RIMS2: variants seen among roughly 807,000 people sequenced by gnomAD.
RIMS2 encodes the protein regulating synaptic membrane exocytosis protein 2.
Under a neutral mutation model 174.4 loss-of-function variants are expected in RIMS2, and 59 were observed. That is an observed-to-expected ratio of 0.34 (90% CI 0.27 to 0.42). RIMS2 has a LOEUF of 0.42. RIMS2 is among the 10% of genes least tolerant of loss of function. The pLI, the probability that RIMS2 is intolerant of heterozygous loss-of-function variation, is 1.00. For synonymous variants in RIMS2, 606 were observed against 572.5 expected (o/e 1.06, Z -0.84); for missense variants, 1,620 against 1,666.3 (o/e 0.97, Z 0.48).
At chr8:104,012,591 G>A (rs967898738) in intron 17 of RIMS2, among the ~76,000 whole-genome samples, 1 of 152,080 alleles carries the variant, frequency 6.6e-6, no homozygotes, top group African/African-American at 2.4e-5. Context: ...GCCAAAGCTA[G>A]TGTTTTTAAA....
At chr8:103,913,896 G>T (rs1010313775) in intron 6 of RIMS2, among the ~76,000 whole-genome samples, 3 of 152,104 alleles carry the variant, frequency 2.0e-5, no homozygotes, top group African/African-American at 7.2e-5. Flanking sequence ...CAGCATTGGG[G>T]ATTACAATTC....
intron 2 of RIMS2, among the ~76,000 whole-genome samples, chr8:103,753,723 T>C (rs959046052): frequency 1.3e-5 from 2 of 152,200 alleles, no homozygotes; most frequent in African/African-American, 4.8e-5. Context: ...TGTTGAAGTG[T>C]TTATAGTATT....
At chr8:103,742,575 T>C (rs1328549697) in intron 2 of RIMS2, among the ~76,000 whole-genome samples, 1 of 152,150 alleles carries the variant, frequency 6.6e-6, no homozygotes, top group Non-Finnish European at 1.5e-5. Flanking sequence ...ACCCTTTTTG[T>C]CATATAAGAT....
At chr8:104,229,028 C>T (rs1033570516) in intron 19 of RIMS2, among the ~76,000 whole-genome samples, 90 of 152,216 alleles carry the variant, frequency 5.9e-4, no homozygotes, top group African/African-American at 2.1e-3. Flanking sequence ...TAATTTAAAA[C>T]TTTAATAGAC....
At chr8:103,779,353 T>G (rs1253125758) in intron 3 of RIMS2, among the ~76,000 whole-genome samples, 1 of 152,196 alleles carries the variant, frequency 6.6e-6, no homozygotes, top group Admixed American at 6.5e-5. Flanking sequence ...TCCCAATGTT[T>G]TCTTCTAGTA....
At chr8:103,825,695 C>T (rs2098785912) in intron 3 of RIMS2, among the ~76,000 whole-genome samples, 1 of 152,048 alleles carries the variant, frequency 6.6e-6, no homozygotes, top group Non-Finnish European at 1.5e-5. Context: ...ACCATACTTT[C>T]ACGTAAGTCT....
chr8:103,627,447 C>T lies in RIMS2; in HGVS notation c.177-69639C>T, dbSNP rs1820443. 4.3e-3 allele frequency among the ~76,000 whole-genome samples: 652 copies of T among 152,044 alleles called. 4 individuals carry two copies. The highest frequency in any genetic ancestry group is 0.015 in the African/African-American group (618 of 41,456). On this transcript the variant is annotated intron_variant, in intron 1 of 23. Coordinates refer to ENST00000504942, the Ensembl canonical transcript of RIMS2. ...GTACGTTTTCAGTTTATGAACATAA[C>T]GTGATTAAGAGATTAAAGACAGGCA... is the stretch of plus-strand genomic sequence containing the variant.
chr8:104,253,143 A>G (rs1204281621), downstream of RIMS2: 1 of 152,192 alleles, frequency 6.6e-6, no homozygotes, highest in Non-Finnish European at 1.5e-5. Context: ...TAATTTTTTC[A>G]CCTTTAAAAT....
chr8:103,535,209 G>A (rs1238523465), intron 1 of RIMS2, among the ~76,000 whole-genome samples: 1 of 152,202 alleles, frequency 6.6e-6, no homozygotes, highest in Non-Finnish European at 1.5e-5. Context: ...AGCATTAGCT[G>A]TAGCAGAGGT....
At chr8:104,025,572 T>C (rs1425239902) in intron 19 of RIMS2, among the ~76,000 whole-genome samples, 1 of 152,176 alleles carries the variant, frequency 6.6e-6, no homozygotes, top group Non-Finnish European at 1.5e-5. Context: ...TATATAAATG[T>C]TAGTTATTAC....
chr8:103,600,027 A>G (rs1241236698), intron 1 of RIMS2, among the ~76,000 whole-genome samples: 1 of 151,948 alleles, frequency 6.6e-6, no homozygotes, highest in Admixed American at 6.6e-5. Flanking sequence ...AATCATCCTC[A>G]TCTCCGCTAA....
At chr8:104,115,126 G>A (rs1026881138) in intron 19 of RIMS2, among the ~76,000 whole-genome samples, 2 of 152,060 alleles carry the variant, frequency 1.3e-5, no homozygotes, top group African/African-American at 2.4e-5. Flanking sequence ...AAAATGAAAT[G>A]TTAATAATGT....
At chr8:103,594,435 TTAAA>T (rs2094404495) in intron 1 of RIMS2, among the ~76,000 whole-genome samples, 1 of 151,614 alleles carries the variant, frequency 6.6e-6, no homozygotes, top group African/African-American at 2.4e-5. Flanking sequence ...ACAGTATGTA[TTAAA>T]TAAGGCATGT....
At chr8:104,127,601 A>G (rs28520202) in intron 19 of RIMS2, among the ~76,000 whole-genome samples, 2,528 of 152,280 alleles carry the variant, frequency 0.017, 63 homozygotes, top group African/African-American at 0.056. Context: ...ACTTAGCCTC[A>G]CTGTGCCCAC....
At chr8:103,836,565 C>CTAAA (rs771866241) in intron 3 of RIMS2, among the ~76,000 whole-genome samples, 31 of 152,072 alleles carry the variant, frequency 2.0e-4, no homozygotes, top group East Asian at 1.7e-3. Context: ...GACCCCATCT[C>CTAAA]TAAATAAATA....
intron 19 of RIMS2, among the ~76,000 whole-genome samples, chr8:104,124,468 C>T (rs1302286883): frequency 6.6e-6 from 1 of 152,062 alleles, no homozygotes; most frequent in Non-Finnish European, 1.5e-5. Context: ...TTGTTAGCCT[C>T]TACCAGGGTT....
At chr8:103,630,264 C>A in intron 1 of RIMS2, among the ~76,000 whole-genome samples, 1 of 151,484 alleles carries the variant, frequency 6.6e-6, no homozygotes, top group East Asian at 1.9e-4. Flanking sequence ...GATTTCTCAT[C>A]AAAACCCATA....
At chr8:104,058,695 G>GTT (rs1387736270) in intron 19 of RIMS2, among the ~76,000 whole-genome samples, 1 of 152,096 alleles carries the variant, frequency 6.6e-6, no homozygotes, top group Non-Finnish European at 1.5e-5. Context: ...GGTTTTTATG[G>GTT]TTTTAGGTCT....
chr8:103,911,136 A>G (rs945461445), intron 5 of RIMS2, among the ~76,000 whole-genome samples: 1 of 152,128 alleles, frequency 6.6e-6, no homozygotes, highest in African/African-American at 2.4e-5. Context: ...TACAATATAG[A>G]TGTAATTGAC....
Sources: allele counts gnomAD v4.1 joint callset (sites outside exome capture counted in the v4.1 genomes callset), GRCh38; gene constraint gnomAD v4.1.1; transcripts MANE v1.5; gene names NCBI Gene and HGNC (gene_info 2026-07-23, HGNC 2026-07-21).